Variants in ENTREP2 observed in about 807,000 individuals in gnomAD.
The protein encoded by ENTREP2 is endosomal transmembrane epsin interactor 2, also known as protein ENTREP2.
At chr15:29,575,390 C>A in the ENTREP2 span, among the ~76,000 whole-genome samples, 1 of 152,130 alleles carries the variant, frequency 6.6e-6, no homozygotes, top group Non-Finnish European at 1.5e-5. Flanking sequence ...AAAGACCCAC[C>A]ACTAACATCA....
chr15:29,174,072 G>A, the ENTREP2 span, among the ~76,000 whole-genome samples: 1 of 152,008 alleles, frequency 6.6e-6, no homozygotes, highest in Non-Finnish European at 1.5e-5. Flanking sequence ...AATCTTAATC[G>A]TAGGTGGAAA....
chr15:29,147,916 G>A, the ENTREP2 span, among the ~76,000 whole-genome samples: 1,010 of 150,688 alleles, frequency 6.7e-3, 10 homozygotes, highest in African/African-American at 0.023. Flanking sequence ...TGATGAATAA[G>A]CAAAATGTAG....
the ENTREP2 span, among the ~76,000 whole-genome samples, chr15:29,263,422 G>C: frequency 6.6e-6 from 1 of 152,202 alleles, no homozygotes; most frequent in African/African-American, 2.4e-5. Flanking sequence ...ACCTGAGTGG[G>C]GTTAGAGCTC....
the ENTREP2 span, among the ~76,000 whole-genome samples, chr15:29,164,472 G>T: frequency 1.3e-5 from 2 of 152,048 alleles, no homozygotes; most frequent in African/African-American, 4.8e-5. Flanking sequence ...CTCACATAAA[G>T]TAAAGAGGTG....
At chr15:29,530,782 T>G in the ENTREP2 span, among the ~76,000 whole-genome samples, 4 of 152,232 alleles carry the variant, frequency 2.6e-5, no homozygotes, top group African/African-American at 9.6e-5. Flanking sequence ...TAAGTGAGAA[T>G]ACGGTGCACT....
chr15:29,665,708 G>A, the ENTREP2 span, among the ~76,000 whole-genome samples: 1 of 152,118 alleles, frequency 6.6e-6, no homozygotes, highest in Non-Finnish European at 1.5e-5. Context: ...CCACATCTTG[G>A]ACTCTAACGT....
the ENTREP2 span, among the ~76,000 whole-genome samples, chr15:29,409,721 C>T: frequency 2.6e-5 from 4 of 152,102 alleles, no homozygotes; most frequent in East Asian, 3.9e-4. Flanking sequence ...CCACAACCTC[C>T]GAGTAGCTGG....
the ENTREP2 span, among the ~76,000 whole-genome samples, chr15:29,558,346 C>A: frequency 1.3e-5 from 2 of 152,006 alleles, no homozygotes; most frequent in Non-Finnish European, 2.9e-5. Flanking sequence ...AGCATCCTAG[C>A]CCACCAGGTA....
chr15:29,491,045 G>A, the ENTREP2 span, among the ~76,000 whole-genome samples: 630 of 152,292 alleles, frequency 4.1e-3, 4 homozygotes, highest in Middle Eastern at 0.01. Context: ...GAGGCCCCGC[G>A]AGAATTCGAG....
the ENTREP2 span, among the ~76,000 whole-genome samples, chr15:29,455,094 C>T: frequency 2.0e-5 from 3 of 152,124 alleles, no homozygotes; most frequent in Non-Finnish European, 4.4e-5. Flanking sequence ...CACACAGGAG[C>T]CTGCCTCTTA....
the ENTREP2 span, among the ~76,000 whole-genome samples, chr15:29,335,423 C>T: frequency 6.6e-6 from 1 of 152,216 alleles, no homozygotes; most frequent in Non-Finnish European, 1.5e-5. Context: ...CAAGTTCATA[C>T]TCTTTAACAG....
the ENTREP2 span, among the ~76,000 whole-genome samples, chr15:29,663,232 G>A: frequency 6.6e-6 from 1 of 152,024 alleles, no homozygotes; most frequent in Non-Finnish European, 1.5e-5. Flanking sequence ...AAATAGCATG[G>A]TGGGGTGGCG....
At chr15:29,152,474 A>G in the ENTREP2 span, among the ~76,000 whole-genome samples, 1 of 152,220 alleles carries the variant, frequency 6.6e-6, no homozygotes, top group East Asian at 1.9e-4. Flanking sequence ...TCTGTTCTCC[A>G]TTTTTTATAA....
the ENTREP2 span, among the ~76,000 whole-genome samples, chr15:29,434,352 G>C: frequency 1.3e-5 from 2 of 152,192 alleles, no homozygotes; most frequent in Non-Finnish European, 2.9e-5. Flanking sequence ...ACATTGCAAA[G>C]TGTTTCCTTC....
the ENTREP2 span, among the ~76,000 whole-genome samples, chr15:29,656,284 A>AG: frequency 1.3e-5 from 2 of 151,604 alleles, no homozygotes; most frequent in Non-Finnish European, 2.9e-5. Context: ...GGAGTGCAGT[A>AG]GCACGATTTC....
At chr15:29,254,161 CAAAAAAAAAAAAAAA>C in the ENTREP2 span, among the ~76,000 whole-genome samples, 608 of 61,356 alleles carry the variant, frequency 9.9e-3, 8 homozygotes, top group African/African-American at 0.037. Context: ...TGTTAAAGAG[CAAAAAAAAAAAAAAA>C]AAAAAAAAAA....
chr15:29,341,696 T>C, the ENTREP2 span, among the ~76,000 whole-genome samples: 1 of 152,014 alleles, frequency 6.6e-6, no homozygotes, highest in African/African-American at 2.4e-5. Context: ...AATAGTGAAG[T>C]ACTCCCGGGT....
chr15:29,465,697 A>G, the ENTREP2 span, among the ~76,000 whole-genome samples: 1 of 152,182 alleles, frequency 6.6e-6, no homozygotes, highest in Admixed American at 6.5e-5. Context: ...CCCCAACATA[A>G]AGATATTTAA....
At chr15:29,178,120 T>C in the ENTREP2 span, among the ~76,000 whole-genome samples, 1 of 151,690 alleles carries the variant, frequency 6.6e-6, no homozygotes, top group Non-Finnish European at 1.5e-5. Flanking sequence ...TAGTCATGCC[T>C]GTTTCTACAA....
Sources: allele counts gnomAD v4.1 joint callset (sites outside exome capture counted in the v4.1 genomes callset), GRCh38; gene constraint gnomAD v4.1.1; transcripts MANE v1.5; gene names NCBI Gene and HGNC (gene_info 2026-07-23, HGNC 2026-07-21).